TRHDE: variants seen among roughly 807,000 people sequenced by gnomAD.
TRHDE encodes the protein thyrotropin releasing hormone degrading enzyme.
Under a neutral mutation model 125.7 loss-of-function variants are expected in TRHDE, and 72 were observed. The ratio of observed to expected loss-of-function variants is 0.57; its 90% CI spans 0.47 to 0.70. The LOEUF is 0.70. TRHDE is among the 30% of genes least tolerant of loss of function. TRHDE has a pLI of 0.00. For synonymous variants in TRHDE, 509 were observed against 509.1 expected (o/e 1.00, Z 0.00); for missense variants, 1,110 against 1,327.1 (o/e 0.84, Z 2.54).
intron 2 of TRHDE, among the ~76,000 whole-genome samples, chr12:72,329,284 T>C (rs967148959): frequency 2.0e-5 from 3 of 152,246 alleles, no homozygotes; most frequent in Admixed American, 6.5e-5. Flanking sequence ...GTGAATAATT[T>C]ATCCACTGTA....
chr12:72,472,344 C>T (rs1238177228), intron 4 of TRHDE, among the ~76,000 whole-genome samples: 1 of 152,078 alleles, frequency 6.6e-6, no homozygotes, highest in Non-Finnish European at 1.5e-5. Flanking sequence ...TAACGTTTTC[C>T]TGAACTAAGC....
intron 2 of TRHDE, among the ~76,000 whole-genome samples, chr12:72,261,648 A>G (rs1429433281): frequency 6.6e-6 from 1 of 152,086 alleles, no homozygotes; most frequent in Non-Finnish European, 1.5e-5. Flanking sequence ...TCAGTTCCAT[A>G]GAGTTTGTGG....
intron 3 of TRHDE, among the ~76,000 whole-genome samples, chr12:72,426,184 A>G (rs776095537): frequency 1.3e-5 from 2 of 152,132 alleles, no homozygotes; most frequent in Non-Finnish European, 2.9e-5. Flanking sequence ...CTAAATAAAC[A>G]TATGTCTGAT....
chr12:72,581,824 C>T (rs572056580), intron 12 of TRHDE, among the ~76,000 whole-genome samples: 3 of 150,572 alleles, frequency 2.0e-5, no homozygotes, highest in Non-Finnish European at 4.4e-5. Flanking sequence ...CTGTAGGCAC[C>T]GGGCGCAGTG....
At chr12:72,453,118 G>A (rs1875661773) in intron 3 of TRHDE, among the ~76,000 whole-genome samples, 1 of 152,164 alleles carries the variant, frequency 6.6e-6, no homozygotes, top group South Asian at 2.1e-4. Flanking sequence ...AAGAAGACAG[G>A]AAGATGAAGG....
chr12:72,469,267 T>C (rs144049686), intron 3 of TRHDE, among the ~76,000 whole-genome samples: 41 of 152,334 alleles, frequency 2.7e-4, no homozygotes, highest in African/African-American at 9.9e-4. Flanking sequence ...ACATATTTCT[T>C]TTAACATAAC....
chr12:72,586,593 GA>G (rs1871448772), intron 12 of TRHDE, among the ~76,000 whole-genome samples: 1 of 152,112 alleles, frequency 6.6e-6, no homozygotes. Context: ...TGGGCCCTGT[GA>G]ACTCAGATCA....
chr12:72,228,656 T>TA (rs1878185604), intron 2 of TRHDE, among the ~76,000 whole-genome samples: 1 of 152,216 alleles, frequency 6.6e-6, no homozygotes, highest in Admixed American at 6.5e-5. Context: ...TCTAAATTTT[T>TA]ATGCTCTGCT....
intron 2 of TRHDE, among the ~76,000 whole-genome samples, chr12:72,116,225 G>C (rs1592446241): frequency 6.6e-6 from 1 of 152,176 alleles, no homozygotes; most frequent in South Asian, 2.1e-4. Context: ...ATTCCATGGT[G>C]TATATGTGCC....
intron 15 of TRHDE, among the ~76,000 whole-genome samples, chr12:72,647,374 G>A (rs1331436036): frequency 6.6e-6 from 1 of 151,792 alleles, no homozygotes; most frequent in Non-Finnish European, 1.5e-5. Context: ...TATTTATAAT[G>A]ACCTGAAACT....
Position 72,499,368 on chromosome 12 carries a change from T to G in TRHDE, c.1585-130T>G. The G allele has an allele frequency of 4.9e-6, 6 of 1,215,960 alleles. No homozygotes were observed. The South Asian group carries it at 8.0e-5, about 16-fold the overall frequency. The allele number at this position is 1,215,960 out of a possible 1,614,324, so 75.3% of individuals were successfully genotyped here. On this transcript the variant is annotated intron_variant, in intron 5 of 18. Coordinates refer to ENST00000261180, the MANE Select transcript of TRHDE (RefSeq NM_013381.3). Reference sequence around the variant, plus strand: ...AGGAGCATTTTTATTGGGTTCACTTTAGAGTTGAGTCATGCCTTGGAAGAC... The same window carrying G: ...AGGAGCATTTTTATTGGGTTCACTTGAGAGTTGAGTCATGCCTTGGAAGAC...
intron 15 of TRHDE, among the ~76,000 whole-genome samples, chr12:72,641,518 T>C (rs1874060249): frequency 6.6e-6 from 1 of 152,206 alleles, no homozygotes; most frequent in Non-Finnish European, 1.5e-5. Context: ...TTTGTAAACT[T>C]ATGCAATGGT....
chr12:72,473,326 G>A (rs1017817499), intron 5 of TRHDE, 146 bp downstream of exon 5: 1 of 563,492 alleles, frequency 1.8e-6, no homozygotes, highest in Non-Finnish European at 3.1e-6. Flanking sequence ...TGAAATGTTA[G>A]TATTCTTAAA....
intron 6 of TRHDE, among the ~76,000 whole-genome samples, chr12:72,516,419 A>G (rs967521256): frequency 2.0e-5 from 3 of 151,954 alleles, no homozygotes; most frequent in Non-Finnish European, 4.4e-5. Context: ...GTGAATGGGA[A>G]TTCACTCATG....
intron 2 of TRHDE, among the ~76,000 whole-genome samples, chr12:72,148,118 C>G (rs997433942): frequency 2.6e-5 from 4 of 152,172 alleles, no homozygotes; most frequent in African/African-American, 9.7e-5. Flanking sequence ...ACAAAAAGAT[C>G]TCAGAGAGGT....
chr12:72,324,290 G>A (rs959597627), intron 2 of TRHDE, among the ~76,000 whole-genome samples: 2 of 152,050 alleles, frequency 1.3e-5, no homozygotes, highest in African/African-American at 4.8e-5. Context: ...ATAAGTAAAT[G>A]TGTCAGAGCC....
intron 2 of TRHDE, among the ~76,000 whole-genome samples, chr12:72,117,419 C>G (rs1566226565): frequency 6.6e-6 from 1 of 152,056 alleles, no homozygotes; most frequent in Admixed American, 6.6e-5. Flanking sequence ...ATTCTCTATT[C>G]TGTTCTATTG....
chr12:72,345,019 C>A (rs141968556), intron 2 of TRHDE, among the ~76,000 whole-genome samples: 3,584 of 152,150 alleles, frequency 0.024, 71 homozygotes, highest in Non-Finnish European at 0.037. Flanking sequence ...TGACATATGG[C>A]ACAGTGGTTG....
At chr12:72,256,482 C>T (rs552415846) in intron 2 of TRHDE, 6 of 152,134 alleles carry the variant, frequency 3.9e-5, no homozygotes, top group South Asian at 2.1e-4. Flanking sequence ...CACTCCCTAT[C>T]GCCCTATCTA....
Sources: allele counts gnomAD v4.1 joint callset (sites outside exome capture counted in the v4.1 genomes callset), GRCh38; gene constraint gnomAD v4.1.1; transcripts MANE v1.5; gene names NCBI Gene and HGNC (gene_info 2026-07-23, HGNC 2026-07-21).